SLC7A14: variants seen among roughly 807,000 people sequenced by gnomAD.
SLC7A14 encodes the protein gamma-aminobutyric acid transporter SLC7A14.
SLC7A14 carries 37 observed loss-of-function variants against 60.2 expected under a neutral mutation model. The ratio of observed to expected loss-of-function variants is 0.61; its 90% CI spans 0.47 to 0.81. SLC7A14 has a LOEUF of 0.81. Among genes scored for constraint, SLC7A14 ranks in the 30% least tolerant of loss-of-function variants. SLC7A14 has a pLI of 0.00. For missense variants in SLC7A14, 886 were observed against 982.7 expected, an observed-to-expected ratio of 0.90 and a Z score of 1.32; for synonymous variants, 399 against 395.8, an observed-to-expected ratio of 1.01 and a Z score of -0.10.
At chr3:170,582,578 T>C (rs1715266065) in intron 1 of SLC7A14, among the ~76,000 whole-genome samples, 1 of 152,198 alleles carries the variant, frequency 6.6e-6, no homozygotes, top group African/African-American at 2.4e-5. Flanking sequence ...GATCACCTAG[T>C]GAAGGTACAA....
chr3:170,524,260 G>A (rs1303487898), intron 2 of SLC7A14, among the ~76,000 whole-genome samples: 6 of 152,220 alleles, frequency 3.9e-5, no homozygotes. Context: ...ATCATTGAAT[G>A]TAAAGCTGGA....
chr3:170,540,390 A>G (rs929532565), intron 1 of SLC7A14, among the ~76,000 whole-genome samples: 1 of 152,066 alleles, frequency 6.6e-6, no homozygotes, highest in Non-Finnish European at 1.5e-5. Context: ...CAATCAGAGC[A>G]GTGAAAATCT....
intron 1 of SLC7A14, among the ~76,000 whole-genome samples, chr3:170,562,747 T>C (rs2108310922): frequency 6.6e-6 from 1 of 152,206 alleles, no homozygotes; most frequent in African/African-American, 2.4e-5. Flanking sequence ...CAAGAAATAT[T>C]ATTATTATTA....
intron 1 of SLC7A14, among the ~76,000 whole-genome samples, chr3:170,555,174 A>T (rs541641885): frequency 6.1e-4 from 92 of 150,310 alleles, no homozygotes; most frequent in Admixed American, 2.1e-3. Context: ...TCTCAAAAAA[A>T]ATATATATAT....
intron 4 of SLC7A14, among the ~76,000 whole-genome samples, chr3:170,491,375 A>G (rs192214083): frequency 1.3e-5 from 2 of 152,364 alleles, no homozygotes; most frequent in Admixed American, 1.3e-4. Context: ...ATGTAGAACT[A>G]GAAAGCAAGT....
At chr3:170,580,043 C>T (rs145550456) in intron 1 of SLC7A14, among the ~76,000 whole-genome samples, 17 of 152,212 alleles carry the variant, frequency 1.1e-4, no homozygotes, top group African/African-American at 3.9e-4. Context: ...GTGTTTGCCT[C>T]CTGTTTTATT....
At chr3:170,496,515 C>CCT (rs1712400108) in intron 4 of SLC7A14, 2 of 1,519,500 alleles carry the variant, frequency 1.3e-6, no homozygotes, top group Admixed American at 1.7e-5. Flanking sequence ...CGCCCTGCAG[C>CCT]GGGCCAAGCA....
chr3:170,526,431 G>GA (rs35594669), intron 2 of SLC7A14, among the ~76,000 whole-genome samples: 16,259 of 136,908 alleles, frequency 0.12, 1,299 homozygotes, highest in African/African-American at 0.23. Flanking sequence ...AAAAGAAAAA[G>GA]AAAAAAAAAA....
chr3:170,546,843 C>A (rs1275786939), intron 1 of SLC7A14, among the ~76,000 whole-genome samples: 1 of 152,170 alleles, frequency 6.6e-6, no homozygotes, highest in African/African-American at 2.4e-5. Context: ...AGCTGTGGCA[C>A]CGTGAACAAC....
chr3:170,492,312 T>C (rs1712246442), intron 4 of SLC7A14, among the ~76,000 whole-genome samples: 1 of 152,208 alleles, frequency 6.6e-6, no homozygotes, highest in Admixed American at 6.5e-5. Flanking sequence ...TCCTAACTCT[T>C]TGCTTTAATG....
intron 4 of SLC7A14, among the ~76,000 whole-genome samples, chr3:170,494,064 G>A (rs1346438547): frequency 6.6e-6 from 1 of 152,184 alleles, no homozygotes; most frequent in Non-Finnish European, 1.5e-5. Context: ...TGCAAAAAAA[G>A]ATAACCAGTT....
At chr3:170,518,736 G>A (rs1335619523) in intron 2 of SLC7A14, among the ~76,000 whole-genome samples, 1 of 152,158 alleles carries the variant, frequency 6.6e-6, no homozygotes, top group African/African-American at 2.4e-5. Flanking sequence ...GAACTTGGAG[G>A]GTGATGAAGA....
intron 1 of SLC7A14, chr3:170,569,986 AG>A (rs1453145792): frequency 1.3e-5 from 2 of 152,096 alleles, no homozygotes; most frequent in South Asian, 2.1e-4. Context: ...AATTTTTTGA[AG>A]GGTTTTTTAG....
intron 2 of SLC7A14, among the ~76,000 whole-genome samples, chr3:170,503,563 T>C (rs1712678375): frequency 6.6e-6 from 1 of 152,182 alleles, no homozygotes; most frequent in Non-Finnish European, 1.5e-5. Flanking sequence ...CACAGCATTA[T>C]CCAATTACTC....
At chr3:170,470,473 TTTCAAAGGTGTATCACTCTGTC>T (rs1446451175) in intron 7 of SLC7A14, among the ~76,000 whole-genome samples, 1 of 151,850 alleles carries the variant, frequency 6.6e-6, no homozygotes, top group African/African-American at 2.4e-5. Flanking sequence ...CCCCCTGGAG[TTTCAAAGGTGTATCACTCTGTC>T]TTCAAAAATG....
chr3:170,567,168 C>T (rs1714817098), intron 1 of SLC7A14, among the ~76,000 whole-genome samples: 1 of 123,270 alleles, frequency 8.1e-6, no homozygotes, highest in South Asian at 3.1e-4. Flanking sequence ...CTCCCCCCAC[C>T]CCACAACAGT....
intron 2 of SLC7A14, among the ~76,000 whole-genome samples, chr3:170,521,619 A>G (rs1713340791): frequency 6.6e-6 from 1 of 152,172 alleles, no homozygotes; most frequent in Admixed American, 6.5e-5. Flanking sequence ...AAAATAAAGA[A>G]CCTAATTACA....
At chr3:170,566,419 A>G (rs1238245827) in intron 1 of SLC7A14, among the ~76,000 whole-genome samples, 1 of 152,224 alleles carries the variant, frequency 6.6e-6, no homozygotes, top group Non-Finnish European at 1.5e-5. Flanking sequence ...TTTCAGTGAT[A>G]TGGATGGTTA....
At chr3:170,552,468 A>G (rs950876201) in intron 1 of SLC7A14, among the ~76,000 whole-genome samples, 1 of 152,136 alleles carries the variant, frequency 6.6e-6, no homozygotes, top group African/African-American at 2.4e-5. Context: ...GCAAAATGGT[A>G]TTGTGTTCTG....
Sources: gnomAD v4.1 joint callset for allele counts (sites outside exome capture counted in the v4.1 genomes callset) on GRCh38, gnomAD v4.1.1 for gene constraint, MANE v1.5 for transcripts, NCBI Gene and HGNC (gene_info 2026-07-23, HGNC 2026-07-21) for gene names.